Variants in TAFA1 observed in about 807,000 individuals in gnomAD.
The protein encoded by TAFA1 is TAFA chemokine like family member 1, also known as chemokine-like protein TAFA-1.
TAFA1 carries 4 observed loss-of-function variants against 18.5 expected under a neutral mutation model. That is an observed-to-expected ratio of 0.22 (90% CI 0.11 to 0.49). The LOEUF is 0.49. Among genes scored for constraint, TAFA1 ranks in the 20% least tolerant of loss-of-function variants. The pLI, the probability that TAFA1 is intolerant of heterozygous loss-of-function variation, is 0.98. For missense variants in TAFA1, 147 were observed against 169.0 expected (o/e 0.87, Z 0.72); for synonymous variants, 56 against 55.2 (o/e 1.01, Z -0.06).
intron 2 of TAFA1, among the ~76,000 whole-genome samples, chr3:68,279,973 A>AT (rs1200886362): frequency 6.6e-6 from 1 of 152,046 alleles, no homozygotes; most frequent in African/African-American, 2.4e-5. Context: ...TAGTGTTCTT[A>AT]TTTTCCCAAA....
At chr3:68,196,901 C>T (rs2066417303) in intron 2 of TAFA1, among the ~76,000 whole-genome samples, 1 of 151,902 alleles carries the variant, frequency 6.6e-6, no homozygotes, top group East Asian at 2.0e-4. Context: ...CCAACCACAT[C>T]CTTCTGGCCA....
intron 3 of TAFA1, among the ~76,000 whole-genome samples, chr3:68,493,652 AT>A (rs1174605405): frequency 1.3e-5 from 2 of 152,170 alleles, no homozygotes; most frequent in Admixed American, 6.5e-5. Context: ...CTTGTTATTT[AT>A]TTTTTATAGT....
chr3:68,145,656 T>G, intron 2 of TAFA1: 1 of 1,051,456 alleles, frequency 9.5e-7, no homozygotes, highest in Non-Finnish European at 1.5e-6. Flanking sequence ...AGTTCAAGAT[T>G]CATCTTCAGA....
At chr3:68,106,235 A>G (rs2065202287) in intron 2 of TAFA1, among the ~76,000 whole-genome samples, 1 of 152,080 alleles carries the variant, frequency 6.6e-6, no homozygotes, top group Admixed American at 6.6e-5. Flanking sequence ...GATTAACTTG[A>G]AATATATAAA....
chr3:68,345,951 C>T (rs1442381635), intron 2 of TAFA1, among the ~76,000 whole-genome samples: 1 of 152,132 alleles, frequency 6.6e-6, no homozygotes, highest in Non-Finnish European at 1.5e-5. Context: ...AGGCCTGACT[C>T]TACCAGCAAA....
At chr3:68,047,145 T>G (rs2064399711) in intron 2 of TAFA1, among the ~76,000 whole-genome samples, 1 of 152,152 alleles carries the variant, frequency 6.6e-6, no homozygotes, top group Admixed American at 6.6e-5. Flanking sequence ...ACATATTATC[T>G]TTATAAAGCA....
chr3:68,510,721 G>T (rs142236194), intron 3 of TAFA1, among the ~76,000 whole-genome samples: 294 of 152,098 alleles, frequency 1.9e-3, no homozygotes, highest in African/African-American at 6.6e-3. Context: ...AACAACAGAG[G>T]GCAGATGTAC....
chr3:68,496,595 C>G (rs1266720736), intron 3 of TAFA1, among the ~76,000 whole-genome samples: 1 of 152,104 alleles, frequency 6.6e-6, no homozygotes, highest in East Asian at 1.9e-4. Context: ...CTTTAGATGA[C>G]CAAAGATGAA....
At chr3:68,205,624 G>A (rs2066517589) in intron 2 of TAFA1, among the ~76,000 whole-genome samples, 1 of 151,852 alleles carries the variant, frequency 6.6e-6, no homozygotes, top group African/African-American at 2.4e-5. Context: ...AACGTCCCTA[G>A]ATGATCTTTC....
intron 2 of TAFA1, among the ~76,000 whole-genome samples, chr3:68,103,717 A>C (rs2065174373): frequency 6.6e-6 from 1 of 152,158 alleles, no homozygotes; most frequent in African/African-American, 2.4e-5. Flanking sequence ...CATCATCAAA[A>C]TAATTAAATA....
intron 2 of TAFA1, among the ~76,000 whole-genome samples, chr3:68,108,451 T>C (rs1262094147): frequency 1.7e-5 from 1 of 57,692 alleles, no homozygotes; most frequent in African/African-American, 5.1e-5. Context: ...TGTGTGTGTG[T>C]GTGTGTGTGT....
intron 2 of TAFA1, among the ~76,000 whole-genome samples, chr3:68,168,144 C>CAAAAAAAAAA (rs10662237): frequency 6.0e-5 from 7 of 116,420 alleles, no homozygotes; most frequent in African/African-American, 1.6e-4. Context: ...TTTTCAGATA[C>CAAAAAAAAAA]AAAAAAAAAA....
intron 2 of TAFA1, among the ~76,000 whole-genome samples, chr3:68,295,133 G>A (rs1180090655): frequency 1.4e-5 from 2 of 148,128 alleles, no homozygotes; most frequent in Non-Finnish European, 1.5e-5. Flanking sequence ...GAGATAATGT[G>A]AAGGGAAAGG....
chr3:68,362,867 A>G (rs1205350231), intron 2 of TAFA1, among the ~76,000 whole-genome samples: 3 of 151,896 alleles, frequency 2.0e-5, no homozygotes, highest in Non-Finnish European at 2.9e-5. Flanking sequence ...GGGGCATGTC[A>G]TAGTACATAA....
rs554326840 is a variant in TAFA1, at chr3:68,254,687, A to AGAT, written c.119-162589_119-162587dup. Among the ~76,000 whole-genome samples, 803 of 152,236 alleles carry AGAT rather than the reference A, an allele frequency of 5.3e-3. 6 individuals are homozygous for AGAT. Among genetic ancestry groups the AGAT allele is most frequent in the Non-Finnish European group, 8.9e-3 (607 of 67,964 alleles). The stretch of plus-strand genomic sequence containing the variant: ...GGGTAAAGATATATAGGAATATTAC[A>AGAT]GATGATCCCAGGATTTAACAGTAGA... On this transcript the variant is annotated intron_variant, in intron 2 of 4. Transcript: ENST00000478136.
At chr3:68,030,952 T>C (rs941313491) in intron 2 of TAFA1, among the ~76,000 whole-genome samples, 2 of 152,160 alleles carry the variant, frequency 1.3e-5, no homozygotes, top group Admixed American at 6.6e-5. Context: ...TACTTACTAC[T>C]TTACAAGAGT....
chr3:68,361,097 G>T (rs962743911), intron 2 of TAFA1, among the ~76,000 whole-genome samples: 1 of 151,906 alleles, frequency 6.6e-6, no homozygotes, highest in Non-Finnish European at 1.5e-5. Context: ...AATAATTATT[G>T]TATAGGTGGG....
chr3:68,370,468 GTGTGTA>G (rs1462461699), intron 2 of TAFA1, among the ~76,000 whole-genome samples: 591 of 16,496 alleles, frequency 0.036, 4 homozygotes, highest in African/African-American at 0.043. Context: ...GTGTGTGTGT[GTGTGTA>G]TATATATATA....
At chr3:68,392,762 G>C (rs2070290655) in intron 2 of TAFA1, among the ~76,000 whole-genome samples, 1 of 152,158 alleles carries the variant, frequency 6.6e-6, no homozygotes, top group African/African-American at 2.4e-5. Flanking sequence ...TGATTGCTAA[G>C]TAAATAACAA....
Sources: gnomAD v4.1 joint callset for allele counts (sites outside exome capture counted in the v4.1 genomes callset) on GRCh38, gnomAD v4.1.1 for gene constraint, MANE v1.5 for transcripts, NCBI Gene and HGNC (gene_info 2026-07-23, HGNC 2026-07-21) for gene names.